ABCA13: variants seen among roughly 807,000 people sequenced by gnomAD.
The protein encoded by ABCA13 is ATP-binding cassette sub-family A member 13.
In ABCA13, 476 loss-of-function variants were observed where a neutral mutation model predicts 478.7. The observed-to-expected ratio is 0.99, with a 90% CI of 0.92 to 1.07. The LOEUF is 1.07. Among genes scored for constraint, ABCA13 ranks in the 50% least tolerant of loss-of-function variants. The probability of loss-of-function intolerance (pLI) is 0.00; values close to 1 mark genes in which losing one functional copy is unlikely to be tolerated. For missense variants in ABCA13, 6,060 were observed against 5,910.6 expected (o/e 1.03, Z -0.83); for synonymous variants, 2,252 against 2,158.9 (o/e 1.04, Z -1.20).
chr7:48,253,720 G>C (rs1792933891), intron 15 of ABCA13, among the ~76,000 whole-genome samples: 1 of 152,176 alleles, frequency 6.6e-6, no homozygotes, highest in Non-Finnish European at 1.5e-5. Flanking sequence ...CTCAGCTCAA[G>C]TGATCCACCT....
intron 44 of ABCA13, among the ~76,000 whole-genome samples, chr7:48,468,979 C>T (rs370089395): frequency 7.2e-5 from 11 of 152,260 alleles, no homozygotes; most frequent in South Asian, 6.2e-4. Context: ...TAGTAGCTGA[C>T]GGGTAGATAT....
chr7:48,632,337 C>T (rs1490903797), intron 59 of ABCA13, among the ~76,000 whole-genome samples: 2 of 152,194 alleles, frequency 1.3e-5, no homozygotes, highest in African/African-American at 4.8e-5. Flanking sequence ...AATTTCTTAT[C>T]AGTTGAATTT....
At chr7:48,522,011 A>C (rs965409001) in intron 53 of ABCA13, among the ~76,000 whole-genome samples, 3 of 151,490 alleles carry the variant, frequency 2.0e-5, no homozygotes, top group African/African-American at 7.3e-5. Context: ...CTGCTCAGTG[A>C]AGGTGTCTGT....
intron 48 of ABCA13, among the ~76,000 whole-genome samples, chr7:48,499,927 A>G (rs1000817031): frequency 6.6e-6 from 1 of 152,170 alleles, no homozygotes; most frequent in Non-Finnish European, 1.5e-5. Context: ...AATTACAGAG[A>G]TTGTCCATTG....
intron 18 of ABCA13, 93 bp downstream of exon 18, chr7:48,280,013 A>T: frequency 7.7e-7 from 1 of 1,301,180 alleles, no homozygotes; most frequent in Non-Finnish European, 1.0e-6. Flanking sequence ...CGGGGTAAGT[A>T]GTTCTTCTTG....
chr7:48,389,092 C>T lies in ABCA13; in HGVS notation c.11526C>T (p.Val3842=), dbSNP rs771554843. 2 of 1,613,930 alleles carry T rather than the reference C, an allele frequency of 1.2e-6. No individual in the cohort carries two copies. The highest frequency in any genetic ancestry group is 1.1e-5 in the South Asian group (1 of 91,074). ...EGELEGSAPG[V]TLVSVTKEYE... is the part of the protein sequence containing the mutation. ...AGCTTGAAGGAAGTGCCCCGGGAGT[C>T]ACCCTGGTGTCTGTGACCAAGGAAT... The change falls in exon 37 of 62, where the codon GTC becomes GTT. Residue 3842 remains valine (V), a synonymous_variant. Coordinates refer to ENST00000435803, the MANE Select transcript of ABCA13 (RefSeq NM_152701.5).
intron 15 of ABCA13, among the ~76,000 whole-genome samples, chr7:48,250,351 A>G (rs189114817): frequency 6.6e-6 from 1 of 152,264 alleles, no homozygotes; most frequent in Non-Finnish European, 1.5e-5. Flanking sequence ...CTCAACTTCC[A>G]TCCCTCTCTC....
intron 38 of ABCA13, among the ~76,000 whole-genome samples, chr7:48,392,628 A>G (rs1193179104): frequency 1.3e-5 from 2 of 152,198 alleles, no homozygotes; most frequent in Non-Finnish European, 2.9e-5. Flanking sequence ...TTTGAACTTC[A>G]CTGAGCAAGT....
rs75275122 is a variant in ABCA13, at chr7:48,476,538, G to A, written c.12976-4498G>A. ...GGTGGTAGGTTGGGGGTTGGGGAGC[G>A]GGGAGCTAGGAGGTCCCAGGAGGGG... On this transcript the variant is annotated intron_variant, in intron 45 of 61. Coordinates refer to ENST00000435803, the MANE Select transcript of ABCA13 (RefSeq NM_152701.5). Among the ~76,000 whole-genome samples, 30 of 152,204 alleles carry A rather than the reference G, an allele frequency of 2.0e-4. No homozygotes were observed. The East Asian group carries it at 5.8e-3, about 29-fold the overall frequency.
rs560016426 is a variant in ABCA13 at position 48,308,180 on chromosome 7, T to C, written c.9322-1767T>C. Among the ~76,000 whole-genome samples the C allele has an allele frequency of 1.3e-3, 199 of 152,298 alleles. 2 individuals carry two copies. Among genetic ancestry groups the C allele is most frequent in the African/African-American group, 4.3e-3 (178 of 41,552 alleles). ...TAAGACACAAACACACAGTCTAGTC[T>C]AGGCCTACATGAGGTCAGGATCATG... On this transcript the variant is annotated intron_variant, in intron 23 of 61. Coordinates refer to ENST00000435803, the MANE Select transcript of ABCA13 (RefSeq NM_152701.5).
chr7:48,539,169 C>T (rs2131114942), intron 55 of ABCA13, among the ~76,000 whole-genome samples: 1 of 152,102 alleles, frequency 6.6e-6, no homozygotes, highest in East Asian at 1.9e-4. Context: ...TTGCTTGAGC[C>T]CAGAGTTTGA....
At chr7:48,519,956 C>T (rs1832421155) in intron 52 of ABCA13, 85 bp from the exon 53 acceptor site, 4 of 1,365,104 alleles carry the variant, frequency 2.9e-6, no homozygotes, top group Non-Finnish European at 3.9e-6. Context: ...CAGAGCTAAC[C>T]AAGGAGAAAA....
intron 59 of ABCA13, among the ~76,000 whole-genome samples, chr7:48,640,599 G>A (rs1795034339): frequency 6.6e-6 from 1 of 152,092 alleles, no homozygotes; most frequent in Admixed American, 6.5e-5. Flanking sequence ...ATCTAGAAAT[G>A]TTAGATCAAT....
rs1303218647 is a variant in ABCA13 at position 48,520,256 on chromosome 7, G to C, written c.14013G>C (p.Leu4671Phe). 6.2e-7 allele frequency: 1 copy of C among 1,613,316 alleles called. No homozygotes were observed. The highest frequency in any genetic ancestry group is 8.5e-7 in the Non-Finnish European group (1 of 1,179,612). The change falls in exon 53 of 62, where the codon TTG becomes TTC. Residue 4671 changes from leucine (L) to phenylalanine (F), a missense_variant. Around this residue, in one of 3 missense-constraint regions of ABCA13, gnomAD observed 1,627 missense variants for 1,571.0 expected, o/e 1.04. Transcript: ENST00000435803. ...LASQGTVLLL[L>F]RVLLHWDLLR... ...CGCAGGGCACAGTACTTCTCCTCTT[G>C]AGGGTTCTGCTACACTGGGACCTTC... is the stretch of plus-strand genomic sequence containing the variant.
At chr7:48,549,434 A>C (rs1158102012) in intron 55 of ABCA13, among the ~76,000 whole-genome samples, 1 of 151,878 alleles carries the variant, frequency 6.6e-6, no homozygotes, top group Admixed American at 6.6e-5. Context: ...CATGGAGTAC[A>C]TGTACCACAT....
intron 47 of ABCA13, 50 bp downstream of exon 47, chr7:48,483,213 A>G (rs1828952371): frequency 6.8e-7 from 1 of 1,478,648 alleles, no homozygotes; most frequent in African/African-American, 1.4e-5. Context: ...ATTTAGGAAA[A>G]CTCAACATTC....
intron 22 of ABCA13, 57 bp downstream of exon 22, chr7:48,297,368 C>A: frequency 2.1e-6 from 3 of 1,411,214 alleles, no homozygotes; most frequent in Non-Finnish European, 2.9e-6. Context: ...GTTTCTCATG[C>A]AAATATATTA....
At chr7:48,457,806 G>T (rs181867276) in intron 43 of ABCA13, among the ~76,000 whole-genome samples, 4 of 152,166 alleles carry the variant, frequency 2.6e-5, no homozygotes, top group Non-Finnish European at 5.9e-5. Flanking sequence ...AAAGAGAAAA[G>T]AACAAGCTTA....
chr7:48,576,127 C>A (rs1788153098), intron 55 of ABCA13, among the ~76,000 whole-genome samples: 1 of 151,906 alleles, frequency 6.6e-6, no homozygotes, highest in African/African-American at 2.4e-5. Flanking sequence ...TAAGCAAATT[C>A]TACAGTATTT....
Sources: allele counts gnomAD v4.1 joint callset (sites outside exome capture counted in the v4.1 genomes callset), GRCh38; gene constraint gnomAD v4.1.1; regional missense constraint gnomAD v4.1.1; transcripts MANE v1.5; gene names NCBI Gene and HGNC (gene_info 2026-07-23, HGNC 2026-07-21).